Variants in ARHGAP20 observed in about 807,000 individuals in gnomAD.
ARHGAP20 encodes Rho GTPase activating protein 20, also known as rho GTPase-activating protein 20.
Under a neutral mutation model 73.7 loss-of-function variants are expected in ARHGAP20, and 34 were observed. That is an observed-to-expected ratio of 0.46 (90% CI 0.35 to 0.61). The LOEUF (loss-of-function observed/expected upper bound fraction) is 0.61, where lower values mean the gene tolerates loss of function less well. Among genes scored for constraint, ARHGAP20 ranks in the 20% least tolerant of loss-of-function variants. The pLI, the probability that ARHGAP20 is intolerant of heterozygous loss-of-function variation, is 0.00. For synonymous variants in ARHGAP20, 523 were observed against 518.2 expected (o/e 1.01, Z -0.13); for missense variants, 1,314 against 1,420.9 (o/e 0.92, Z 1.21).
chr11:110,577,314 A>G lies in ARHGAP20; in HGVS notation c.*2056T>C, dbSNP rs1947310948. 7.7e-7 allele frequency: 1 copy of G among 1,300,672 alleles called. No individual in the cohort carries two copies. Among genetic ancestry groups the G allele is most frequent in the Non-Finnish European group, 9.8e-7 (1 of 1,022,850 alleles). 80.6% of individuals were successfully genotyped at this position (1,300,672 alleles called of 1,614,324 possible). A position where few individuals can be genotyped will look rare whatever the true frequency, so the allele number is the denominator to read the frequency against. ...CATATAGTCTGTCTTCAAATCATACAATATAATACTTTACAGCAATATTAA... is the reference window on the plus strand; with the variant it reads ...CATATAGTCTGTCTTCAAATCATACGATATAATACTTTACAGCAATATTAA... On this transcript the variant is annotated 3_prime_UTR_variant, in exon 15 of 15. Coordinates refer to ENST00000683387, the MANE Select transcript of ARHGAP20 (RefSeq NM_001384657.1).
intron 4 of ARHGAP20, among the ~76,000 whole-genome samples, chr11:110,616,755 ATTC>A: frequency 7.1e-6 from 1 of 141,652 alleles, no homozygotes; most frequent in African/African-American, 2.6e-5. Context: ...CTTTTGATGT[ATTC>A]TCTTTTCTAA....
At chr11:110,612,269 C>T (rs1591314873) in intron 6 of ARHGAP20, among the ~76,000 whole-genome samples, 1 of 147,108 alleles carries the variant, frequency 6.8e-6, no homozygotes, top group Non-Finnish European at 1.5e-5. Flanking sequence ...AAAAAAAATA[C>T]AAAAAAAATT....
intron 1 of ARHGAP20, among the ~76,000 whole-genome samples, chr11:110,698,995 G>A (rs1000037670): frequency 6.6e-6 from 1 of 151,572 alleles, no homozygotes; most frequent in African/African-American, 2.4e-5. Context: ...GTTCCTTGAG[G>A]TGTGACATCA....
At chr11:110,654,017 A>T (rs1949414295) in intron 2 of ARHGAP20, among the ~76,000 whole-genome samples, 1 of 152,110 alleles carries the variant, frequency 6.6e-6, no homozygotes, top group Non-Finnish European at 1.5e-5. Flanking sequence ...ACACATGGAC[A>T]CAGGGAAGGG....
intron 2 of ARHGAP20, among the ~76,000 whole-genome samples, chr11:110,644,184 G>T (rs1429495952): frequency 1.3e-5 from 2 of 152,118 alleles, no homozygotes; most frequent in Non-Finnish European, 2.9e-5. Flanking sequence ...AACATTCCAT[G>T]CTCATGAATT....
chr11:110,582,498 A>G, intron 13 of ARHGAP20, 63 bp from the exon 14 acceptor site: 1 of 1,107,440 alleles, frequency 9.0e-7, no homozygotes, highest in Non-Finnish European at 1.4e-6. Context: ...ATCACATTTC[A>G]TATATAAATC....
chr11:110,594,372 G>C (rs894498913), intron 9 of ARHGAP20, among the ~76,000 whole-genome samples: 3 of 152,168 alleles, frequency 2.0e-5, no homozygotes, highest in East Asian at 1.9e-4. Context: ...AAAATGTAAA[G>C]GATATGAATT....
At chr11:110,673,400 T>C (rs1223749188) in intron 2 of ARHGAP20, among the ~76,000 whole-genome samples, 3 of 152,136 alleles carry the variant, frequency 2.0e-5, no homozygotes, top group Admixed American at 6.6e-5. Context: ...CTTAGCTACA[T>C]TGTCAAGTCA....
At chr11:110,682,296 T>G (rs976669028) in intron 2 of ARHGAP20, among the ~76,000 whole-genome samples, 27 of 152,146 alleles carry the variant, frequency 1.8e-4, no homozygotes, top group Admixed American at 5.2e-4. Flanking sequence ...GTAGCACTGA[T>G]TATGTACTAG....
chr11:110,712,169 C>T lies in ARHGAP20; in HGVS notation c.63G>A (p.Leu21=). Residue 21 remains leucine (L), a synonymous_variant, in exon 1 of 15, where the codon CTG becomes CTA. Coordinates refer to ENST00000683387, the MANE Select transcript of ARHGAP20 (RefSeq NM_001384657.1). ...LGGQPGRSSS[L]TGVSRLAGGS... is the part of the protein sequence containing the mutation. ...CTCCCGCGAGCCGAGACACTCCTGT[C>T]AGGGAAGAGGAGCGCCCCGGCTGTC... 1.5e-6 allele frequency: 2 copies of T among 1,371,014 alleles called. No homozygotes were observed. Among genetic ancestry groups the T allele is most frequent in the East Asian group, 5.6e-5 (2 of 35,566 alleles). 84.9% of individuals were successfully genotyped at this position (1,371,014 alleles called of 1,614,324 possible).
At chr11:110,601,981 CAAAA>C (rs34786190) in intron 9 of ARHGAP20, among the ~76,000 whole-genome samples, 2 of 131,008 alleles carry the variant, frequency 1.5e-5, no homozygotes, top group Non-Finnish European at 3.4e-5. Flanking sequence ...GACTTTTTCT[CAAAA>C]AAAAAAAAAA....
chr11:110,688,459 A>C (rs1950179706), intron 2 of ARHGAP20, among the ~76,000 whole-genome samples: 2 of 152,180 alleles, frequency 1.3e-5, no homozygotes, highest in Non-Finnish European at 2.9e-5. Context: ...TCATACTCAC[A>C]AGCTTCCAGT....
chr11:110,696,056 G>T (rs1397691988), intron 1 of ARHGAP20, among the ~76,000 whole-genome samples: 1 of 151,464 alleles, frequency 6.6e-6, no homozygotes, highest in Non-Finnish European at 1.5e-5. Context: ...CTAATTGAAA[G>T]AAACCATTAC....
chr11:110,656,379 G>A (rs1949467190), intron 2 of ARHGAP20, among the ~76,000 whole-genome samples: 1 of 152,118 alleles, frequency 6.6e-6, no homozygotes, highest in South Asian at 2.1e-4. Context: ...AAGCTCTTGG[G>A]CAAAAGAGTT....
chr11:110,644,263 C>A (rs1336149621), intron 2 of ARHGAP20, among the ~76,000 whole-genome samples: 1 of 152,112 alleles, frequency 6.6e-6, no homozygotes, highest in Non-Finnish European at 1.5e-5. Flanking sequence ...CAATTCCTAT[C>A]AAACTGCCAA....
intron 2 of ARHGAP20, among the ~76,000 whole-genome samples, chr11:110,645,016 T>TCTCTCTCTCTC (rs71057017): frequency 6.6e-6 from 1 of 151,560 alleles, no homozygotes; most frequent in African/African-American, 2.4e-5. Context: ...TCTCTCTCTC[T>TCTCTCTCTCTC]TTTATTTTTT....
rs1470140185 is a variant in ARHGAP20, at chr11:110,712,359, T to G, written c.-128A>C. ...GCCGTGCTCAGGCAGGGAGCCGAGC[T>G]CCGGGTGCTCGCCGCGCGCCTCCCG... On this transcript the variant is annotated 5_prime_UTR_variant, in exon 1 of 15. Coordinates refer to ENST00000683387, the MANE Select transcript of ARHGAP20 (RefSeq NM_001384657.1). The G allele has an allele frequency of 1.9e-5, 13 of 673,852 alleles. No homozygotes were observed. Among genetic ancestry groups the G allele is most frequent in the Non-Finnish European group, 2.5e-5 (12 of 474,934 alleles). 41.7% of individuals were successfully genotyped at this position (673,852 alleles called of 1,614,324 possible).
chr11:110,593,939 C>A (rs1340038670), intron 9 of ARHGAP20, among the ~76,000 whole-genome samples: 1 of 152,226 alleles, frequency 6.6e-6, no homozygotes, highest in Non-Finnish European at 1.5e-5. Context: ...GGCATTGTTC[C>A]TTATGACACC....
chr11:110,700,793 T>C (rs1423211153), intron 1 of ARHGAP20, among the ~76,000 whole-genome samples: 3 of 136,254 alleles, frequency 2.2e-5, no homozygotes, highest in Admixed American at 8.6e-5. Context: ...CCTGTGTCCA[T>C]GTGTTCTCAT....
Sources: gnomAD v4.1 joint callset for allele counts (sites outside exome capture counted in the v4.1 genomes callset) on GRCh38, gnomAD v4.1.1 for gene constraint, MANE v1.5 for transcripts, NCBI Gene and HGNC (gene_info 2026-07-23, HGNC 2026-07-21) for gene names.